DCLRE1C: variants seen among roughly 807,000 people sequenced by gnomAD.
The protein encoded by DCLRE1C is DNA cross-link repair 1C.
DCLRE1C carries 47 observed loss-of-function variants against 61.4 expected under a neutral mutation model. The ratio of observed to expected loss-of-function variants is 0.77; its 90% CI spans 0.61 to 0.98. The LOEUF (loss-of-function observed/expected upper bound fraction) is 0.98. Ranked by LOEUF, DCLRE1C falls within the 50% of genes least tolerant of loss-of-function variation. DCLRE1C has a pLI of 0.00. For missense variants in DCLRE1C, 858 were observed against 816.0 expected, an observed-to-expected ratio of 1.05 and a Z score of -0.63; for synonymous variants, 337 against 287.6, an observed-to-expected ratio of 1.17 and a Z score of -1.74.
At chr10:14,921,400 G>A (rs1374156076) in intron 12 of DCLRE1C, among the ~76,000 whole-genome samples, 1 of 152,054 alleles carries the variant, frequency 6.6e-6, no homozygotes, top group East Asian at 1.9e-4. Context: ...TAGTTCTACA[G>A]GCATATTTAA....
chr10:14,898,092 A>G (rs1369370769), exon 14 of DCLRE1C: 10 of 149,388 alleles, frequency 6.7e-5, no homozygotes, highest in South Asian at 2.1e-4. Context: ...ATATATATGT[A>G]TATATATATA....
chr10:14,944,283 G>C (rs1246166903), intron 3 of DCLRE1C, among the ~76,000 whole-genome samples: 1 of 152,144 alleles, frequency 6.6e-6, no homozygotes, highest in African/African-American at 2.4e-5. Flanking sequence ...TGGATCACCT[G>C]AAGTCAGGAG....
downstream of DCLRE1C, among the ~76,000 whole-genome samples, chr10:14,904,493 T>A (rs576273574): frequency 6.6e-6 from 1 of 152,228 alleles, no homozygotes; most frequent in Admixed American, 6.5e-5. Flanking sequence ...GGTTTAAAGA[T>A]GTGATTTTTA....
At chr10:14,922,786 A>C (rs41299662) in intron 12 of DCLRE1C, among the ~76,000 whole-genome samples, 195 bp downstream of exon 12, 1 of 152,164 alleles carries the variant, frequency 6.6e-6, no homozygotes, top group Non-Finnish European at 1.5e-5. Flanking sequence ...AGAAGCTGAC[A>C]ACACTACCTA....
chr10:14,902,674 AG>A (rs775908732), downstream of DCLRE1C: 5 of 522,988 alleles, frequency 9.6e-6, no homozygotes, highest in East Asian at 1.6e-4. Flanking sequence ...GCCTCTGAAA[AG>A]GGGGTCACTG....
At chr10:14,923,100 ATC>A (rs1837386592) in intron 11 of DCLRE1C, 31 bp from the exon 12 acceptor site, 1 of 1,510,588 alleles carries the variant, frequency 6.6e-7, no homozygotes, top group Admixed American at 1.7e-5. Flanking sequence ...TGGATCAACA[ATC>A]TCTACGATGA....
chr10:14,954,387 G>A, upstream of DCLRE1C: 1 of 360,212 alleles, frequency 2.8e-6, no homozygotes, highest in Non-Finnish European at 5.4e-6. Context: ...CAGCCGACGA[G>A]GTGAGTGGGC....
At chr10:14,900,037 G>A (rs1038942920), downstream of DCLRE1C, among the ~76,000 whole-genome samples, 14 of 152,146 alleles carry the variant, frequency 9.2e-5, no homozygotes, top group African/African-American at 2.9e-4. Context: ...GTATCTTAAT[G>A]GAAGTTAACA....
intron 3 of DCLRE1C, among the ~76,000 whole-genome samples, chr10:14,943,437 C>T (rs571140684): frequency 9.0e-4 from 137 of 152,236 alleles, no homozygotes; most frequent in Middle Eastern, 3.4e-3. Flanking sequence ...GACATTTTGG[C>T]CTTCTGATTG....
At chr10:14,926,400 A>C (rs1385842541) in intron 11 of DCLRE1C, among the ~76,000 whole-genome samples, 1 of 152,184 alleles carries the variant, frequency 6.6e-6, no homozygotes, top group Admixed American at 6.5e-5. Flanking sequence ...TTACACGTGT[A>C]ACCCAGCACT....
chr10:14,924,883 A>T (rs1027051764), intron 11 of DCLRE1C, among the ~76,000 whole-genome samples: 1 of 152,002 alleles, frequency 6.6e-6, no homozygotes. Flanking sequence ...AAATTAAAAA[A>T]AAAATCATCC....
intron 11 of DCLRE1C, chr10:14,923,528 G>C (rs2130792841): frequency 5.0e-6 from 1 of 200,352 alleles, no homozygotes; most frequent in East Asian, 1.4e-4. Flanking sequence ...TTCTTAGCTG[G>C]GCACAGTGGT....
At chr10:14,924,292 TAAAC>T (rs1439131391) in intron 11 of DCLRE1C, among the ~76,000 whole-genome samples, 1 of 152,230 alleles carries the variant, frequency 6.6e-6, no homozygotes, top group Non-Finnish European at 1.5e-5. Flanking sequence ...TGATTAATTC[TAAAC>T]AAACAATTAC....
rs1838322312 is a variant in DCLRE1C, at chr10:14,928,082, A to G, written c.851T>C (p.Ile284Thr). Residue 284 changes from isoleucine to threonine, a missense_variant, in exon 10 of 14, where the codon ATA becomes ACA. Transcript: ENST00000378278. ...CATGGTGGATGGCTTAATGCTGATT[A>G]TGTGGAGTGGAATTCTATTTCTGGA... ...ITSRNRIPLHIISIKPSTMWF... is the reference protein window; with the variant it reads ...ITSRNRIPLHTISIKPSTMWF... 6.2e-7 allele frequency: 1 copy of G among 1,613,774 alleles called. No individual in the cohort carries two copies. The highest frequency in any genetic ancestry group is 1.3e-5 in the African/African-American group (1 of 75,014).
chr10:14,931,221 T>C (rs1433532090), intron 9 of DCLRE1C, among the ~76,000 whole-genome samples: 1 of 152,234 alleles, frequency 6.6e-6, no homozygotes, highest in African/African-American at 2.4e-5. Context: ...AATGAAAGTC[T>C]TGTACTCAGC....
At chr10:14,949,611 C>T (rs573786357) in intron 1 of DCLRE1C, among the ~76,000 whole-genome samples, 6 of 152,336 alleles carry the variant, frequency 3.9e-5, no homozygotes, top group South Asian at 2.1e-4. Flanking sequence ...TGCTCCACAG[C>T]GCTCCACATT....
rs1272245322 is a variant in DCLRE1C, at chr10:14,905,544, CT to C, written c.*2863del. Among the ~76,000 whole-genome samples, 1 of 152,230 alleles carries C rather than the reference CT, an allele frequency of 6.6e-6. No homozygotes were observed. The highest frequency in any genetic ancestry group is 2.4e-5 in the African/African-American group (1 of 41,458). ...CAACATGCCAAGATCACCCAGTGAA[CT>C]TTTTAAAGTATTTAATCTTCGGCTT... is the stretch of plus-strand genomic sequence containing the variant. On this transcript the variant is annotated 3_prime_UTR_variant, in exon 14 of 14. Coordinates refer to ENST00000378278, the MANE Select transcript of DCLRE1C (RefSeq NM_001033855.3).
rs535163055 is a variant in DCLRE1C at position 14,928,692 on chromosome 10, G to C, written c.781-540C>G. Reference sequence around the variant, plus strand: ...TGGAGTCTGTAACTACTCTCAATTGGTTTGGAGTGGGGAGTTGGTTATAAG... The same window carrying C: ...TGGAGTCTGTAACTACTCTCAATTGCTTTGGAGTGGGGAGTTGGTTATAAG... On this transcript the variant is annotated intron_variant, in intron 9 of 13. Transcript: ENST00000378278. 2.0e-5 allele frequency among the ~76,000 whole-genome samples: 3 copies of C among 152,192 alleles called. No homozygotes were observed. The South Asian group carries it at 6.2e-4, about 32-fold the overall frequency.
chr10:14,911,962 CTT>C (rs745468838), intron 13 of DCLRE1C, among the ~76,000 whole-genome samples: 69 of 152,226 alleles, frequency 4.5e-4, no homozygotes, highest in Non-Finnish European at 8.7e-4. Flanking sequence ...GAACTGGAAT[CTT>C]TACATATTGC....
Sources: allele counts gnomAD v4.1 joint callset (sites outside exome capture counted in the v4.1 genomes callset), GRCh38; gene constraint gnomAD v4.1.1; transcripts MANE v1.5; gene names NCBI Gene and HGNC (gene_info 2026-07-23, HGNC 2026-07-21).